Variants in ABCA8 observed in about 807,000 individuals in gnomAD.
The protein encoded by ABCA8 is ATP binding cassette subfamily A member 8.
Under a neutral mutation model 192.3 loss-of-function variants are expected in ABCA8, and 177 were observed. The ratio of observed to expected loss-of-function variants is 0.92; its 90% confidence interval spans 0.81 to 1.04. ABCA8 has a LOEUF of 1.04. Among genes scored for constraint, ABCA8 ranks in the 50% least tolerant of loss-of-function variants. ABCA8 has a pLI of 0.00. For synonymous variants in ABCA8, 642 were observed against 690.2 expected (o/e 0.93, Z 1.09); for missense variants, 1,915 against 1,904.8 (o/e 1.01, Z -0.10).
intron 10 of ABCA8, among the ~76,000 whole-genome samples, chr17:68,926,610 C>T (rs2067706443): frequency 6.6e-6 from 1 of 151,950 alleles, no homozygotes; most frequent in Non-Finnish European, 1.5e-5. Context: ...TAATTTTTAC[C>T]TCTACTGGAA....
In ABCA8 at chr17:68,882,663, T is replaced by A. The variant is rs781674094; in HGVS notation, c.3764A>T (p.Asp1255Val). The change falls in exon 30 of 40, where the codon GAT (aspartate) becomes GTT (valine). Residue 1255 changes from aspartate to valine, a missense_variant. Asp to Val is a radical substitution (Grantham distance 152, BLOSUM62 -3). Coordinates refer to ENST00000586539, the MANE Select transcript of ABCA8 (RefSeq NM_001288985.2). The stretch of plus-strand genomic sequence containing the variant: ...CACTCTTTCCATCTGAACATCTTCA[T>A]CCTCTCCTTCTGGTTCTTCTGGATT... ...CQNPEEPEGE[D>V]EDVQMERVRT... The A allele has an allele frequency of 9.3e-6, 15 of 1,613,102 alleles. No individual in the cohort carries two copies. The highest frequency in any genetic ancestry group is 1.3e-5 in the Non-Finnish European group (15 of 1,179,492).
intron 37 of ABCA8, among the ~76,000 whole-genome samples, chr17:68,870,137 C>G (rs1361244165): frequency 6.6e-6 from 1 of 152,118 alleles, no homozygotes; most frequent in South Asian, 2.1e-4. Flanking sequence ...AACAACTAAC[C>G]CTGACCCTGT....
intron 20 of ABCA8, 130 bp from the exon 21 acceptor site, chr17:68,903,009 G>T (rs2066953487): frequency 1.1e-6 from 1 of 874,542 alleles, no homozygotes; most frequent in African/African-American, 1.7e-5. Flanking sequence ...CATTTCTTGA[G>T]TATTTTGTCC....
chr17:68,913,832 T>C (rs1448047292), intron 17 of ABCA8, among the ~76,000 whole-genome samples: 2 of 151,826 alleles, frequency 1.3e-5, no homozygotes, highest in Non-Finnish European at 2.9e-5. Flanking sequence ...TTCTGAAAAA[T>C]AGAGGAGGAG....
At chr17:68,947,568 C>G (rs1438951522) in intron 2 of ABCA8, among the ~76,000 whole-genome samples, 2 of 152,060 alleles carry the variant, frequency 1.3e-5, no homozygotes, top group Admixed American at 1.3e-4. Flanking sequence ...ACCTTATGAG[C>G]CTGTTGTTTC....
chr17:68,874,288 C>T (rs1159518430), intron 37 of ABCA8, among the ~76,000 whole-genome samples: 1 of 152,232 alleles, frequency 6.6e-6, no homozygotes, highest in African/African-American at 2.4e-5. Flanking sequence ...CCACAAGTCA[C>T]ATATCTCTCC....
intron 17 of ABCA8, among the ~76,000 whole-genome samples, chr17:68,912,495 G>A (rs2067246720): frequency 6.6e-6 from 1 of 151,932 alleles, no homozygotes; most frequent in South Asian, 2.1e-4. Flanking sequence ...TGGCCTTAAG[G>A]AGGAGATAAA....
chr17:68,929,177 C>G lies in ABCA8; in HGVS notation c.997G>C (p.Val333Leu). The change falls in exon 9 of 40, where the codon GTC becomes CTC. Residue 333 changes from valine to leucine, a missense_variant. Coordinates refer to ENST00000586539, the MANE Select transcript of ABCA8 (RefSeq NM_001288985.2). Reference protein sequence around the residue: ...LVKKSFLTGLVVFLLTVFWGC... With the variant: ...LVKKSFLTGLLVFLLTVFWGC... The stretch of plus-strand genomic sequence containing the variant: ...CAAAAGACAGTGAGGAGGAACACGA[C>G]CAGGCCGGTGAGGAAAGATTTCTTT... 6.2e-7 allele frequency: 1 copy of G among 1,610,178 alleles called. No homozygotes were observed. Among genetic ancestry groups the G allele is most frequent in the South Asian group, 1.1e-5 (1 of 90,068 alleles).
rs770079976 is a variant in ABCA8 at position 68,941,963 on chromosome 17, C to A, written c.72G>T (p.Trp24Cys). The change falls in exon 3 of 40, where the codon TGG becomes TGT. Residue 24 changes from tryptophan to cysteine, a missense_variant. Physicochemically the swap from Trp to Cys is radical, Grantham distance 215. Transcript: ENST00000586539. ...ALLCKNFLKKWRMKRESLMEW... is the reference protein window; with the variant it reads ...ALLCKNFLKKCRMKRESLMEW... ...CCATTAAGGACTCTCTTTTCATTCT[C>A]CATTTTTTAAGAAAGTTCTTGCATA... 1.2e-6 allele frequency: 2 copies of A among 1,611,992 alleles called. No individual in the cohort carries two copies. Among genetic ancestry groups the A allele is most frequent in the Non-Finnish European group, 1.7e-6 (2 of 1,178,374 alleles).
At position 68,907,761 on chromosome 17, in the gene ABCA8, C is replaced by G. The variant is rs199766554; in HGVS notation, c.2257G>C (p.Glu753Gln). The G allele has an allele frequency of 2.1e-5, 34 of 1,598,354 alleles. No individual in the cohort carries two copies. In the East Asian group the frequency reaches 7.6e-4, roughly 36 times the overall value. Residue 753 changes from glutamate (E) to glutamine (Q), a missense_variant, in exon 18 of 40, where the codon GAA becomes CAA. Glu to Gln is a conservative substitution (Grantham distance 29). Transcript: ENST00000586539. Reference sequence around the variant, plus strand: ...TTACCTGGAAATTTATTTGTTCTTTCTAAGGGTAATGTATAAATAAGTTTT... The same window carrying G: ...TTACCTGGAAATTTATTTGTTCTTTGTAAGGGTAATGTATAAATAAGTTTT... Reference protein sequence around the residue: ...EGKLIYTLPLERTNKFPELYK... With the variant: ...EGKLIYTLPLQRTNKFPELYK...
intron 2 of ABCA8, among the ~76,000 whole-genome samples, chr17:68,944,050 A>G (rs773019215): frequency 6.6e-6 from 1 of 151,960 alleles, no homozygotes; most frequent in Non-Finnish European, 1.5e-5. Flanking sequence ...AAAATAACAC[A>G]GGAACAGAAA....
chr17:68,890,390 G>T (rs184277383), intron 24 of ABCA8, among the ~76,000 whole-genome samples: 1 of 152,068 alleles, frequency 6.6e-6, no homozygotes, highest in African/African-American at 2.4e-5. Flanking sequence ...AAAAAATTAG[G>T]TTATCCTCTA....
chr17:68,901,617 C>T (rs2066914737), intron 21 of ABCA8, among the ~76,000 whole-genome samples: 2 of 151,984 alleles, frequency 1.3e-5, no homozygotes. Flanking sequence ...ACCATCCTGG[C>T]CAACATGGTG....
In ABCA8 at chr17:68,930,954, C is replaced by A. The variant is rs555314712; in HGVS notation, c.798-1252G>T. Among the ~76,000 whole-genome samples, 11 of 152,316 alleles carry A rather than the reference C, an allele frequency of 7.2e-5. No individual in the cohort carries two copies. In the East Asian group the frequency reaches 1.9e-3, roughly 27 times the overall value. ...AGTCAATTATTCATAAGTTCTCACA[C>A]AGAACCTTGTCCATTCTTGGAATCA... On this transcript the variant is annotated intron_variant, in intron 7 of 39. Transcript: ENST00000586539.
Position 68,891,485 on chromosome 17 carries a change from T to A in ABCA8, c.3144+4A>T. 3 of 1,601,948 alleles carry A rather than the reference T, an allele frequency of 1.9e-6. No individual in the cohort carries two copies. Among genetic ancestry groups the A allele is most frequent in the Non-Finnish European group, 2.6e-6 (3 of 1,172,216 alleles). The stretch of plus-strand genomic sequence containing the variant: ...TAATGGAAGTTGCAATTACTCATTA[T>A]TACCTTATAATCATCGATGCTGCTC... On this transcript the variant is annotated splice_donor_region_variant and intron_variant, in intron 24 of 39. Transcript: ENST00000586539.
intron 37 of ABCA8, among the ~76,000 whole-genome samples, chr17:68,871,876 A>T (rs1050860349): frequency 2.0e-5 from 3 of 151,888 alleles, no homozygotes; most frequent in Non-Finnish European, 4.4e-5. Context: ...GATAATGATA[A>T]ATGACTATGT....
In ABCA8 at chr17:68,922,099, G is replaced by A; in HGVS notation, c.1501+143C>T. The A allele has an allele frequency of 7.5e-6, 4 of 531,792 alleles. No individual in the cohort carries two copies. In the South Asian group the frequency reaches 1.6e-4, roughly 21 times the overall value. 32.9% of individuals were successfully genotyped at this position (531,792 alleles called of 1,614,324 possible). A position where few individuals can be genotyped will look rare whatever the true frequency, so the allele number is the denominator to read the frequency against. On this transcript the variant is annotated intron_variant, in intron 12 of 39. Coordinates refer to ENST00000586539, the MANE Select transcript of ABCA8 (RefSeq NM_001288985.2). ...ATGCAGCTCAAATAACTCTTTTCAA[G>A]TCTAAAATACCACCACTAATTAATC...
chr17:68,940,788 T>A lies in ABCA8; in HGVS notation c.271A>T (p.Asn91Tyr). ...AGGAAGGGAGTAGAGGCTACTTTAT[T>A]CATTATCTGTTGGGTCGTGTTGGTG... The part of the protein sequence containing the change: ...PVTNTTQQIM[N>Y]KVASTPFLAG... The change falls in exon 4 of 40, where the codon AAT becomes TAT. Residue 91 changes from asparagine to tyrosine, a missense_variant. Coordinates refer to ENST00000586539, the MANE Select transcript of ABCA8 (RefSeq NM_001288985.2). The A allele has an allele frequency of 6.2e-7, 1 of 1,613,582 alleles. No individual in the cohort carries two copies. Among genetic ancestry groups the A allele is most frequent in the Non-Finnish European group, 8.5e-7 (1 of 1,179,560 alleles).
rs772700759 is a variant in ABCA8 at position 68,940,869 on chromosome 17, G to T, written c.190C>A (p.Leu64Met). 2 of 1,613,244 alleles carry T rather than the reference G, an allele frequency of 1.2e-6. No homozygotes were observed. Among genetic ancestry groups the T allele is most frequent in the South Asian group, 1.1e-5 (1 of 91,050 alleles). ...TCATTAAATGTATCTACCCGTCCCA[G>T]GTCCATGGTAAGCAGTGAAGAAAAA... ...NDFSSLLTMD[L>M]GRVDTFNESR... The change falls in exon 4 of 40, where the codon CTG (leucine) becomes ATG (methionine). Residue 64 changes from leucine to methionine, a missense_variant. Leu to Met is a conservative substitution (Grantham distance 15). Coordinates refer to ENST00000586539, the MANE Select transcript of ABCA8 (RefSeq NM_001288985.2).
Sources: gnomAD v4.1 joint callset for allele counts (sites outside exome capture counted in the v4.1 genomes callset) on GRCh38, gnomAD v4.1.1 for gene constraint, MANE v1.5 for transcripts, NCBI Gene and HGNC (gene_info 2026-07-23, HGNC 2026-07-21) for gene names.